COL5A1: variants seen among roughly 807,000 people sequenced by gnomAD.
COL5A1 encodes the protein collagen alpha-1(V) chain.
Under a neutral mutation model 263.7 loss-of-function variants are expected in COL5A1, and 16 were observed. The ratio of observed to expected loss-of-function variants is 0.06; its 90% CI spans 0.04 to 0.09. COL5A1 has a LOEUF of 0.09. COL5A1 is among the 10% of genes least tolerant of loss of function. The probability of loss-of-function intolerance (pLI) is 1.00; values close to 1 mark genes in which losing one functional copy is unlikely to be tolerated. For synonymous variants in COL5A1, 1,012 were observed against 1,004.5 expected (o/e 1.01, Z -0.14); for missense variants, 2,036 against 2,540.5 (o/e 0.80, Z 4.27).
At chr9:134,839,035 A>T (rs1245860879) in intron 65 of COL5A1, among the ~76,000 whole-genome samples, 2 of 152,232 alleles carry the variant, frequency 1.3e-5, no homozygotes, top group Non-Finnish European at 2.9e-5. Context: ...GGAGGCCCTG[A>T]TGCCCCGAAC....
At chr9:134,693,264 A>T (rs1833345750) in intron 2 of COL5A1, among the ~76,000 whole-genome samples, 1 of 152,140 alleles carries the variant, frequency 6.6e-6, no homozygotes. Flanking sequence ...ACAGTGAAGC[A>T]GTGAGCCGAG....
rs1212945027 is a variant in COL5A1, at chr9:134,696,204, C to T, written c.278-3705C>T. 1.3e-5 allele frequency among the ~76,000 whole-genome samples: 2 copies of T among 152,106 alleles called. No individual in the cohort carries two copies. The highest frequency in any genetic ancestry group is 2.4e-5 in the African/African-American group (1 of 41,398). ...TATTATTATTATTGAGACAGAGTCT[C>T]ACTCTGTCGCCCAGGCTGGAGTGCA... On this transcript the variant is annotated intron_variant, in intron 2 of 65. Coordinates refer to ENST00000371817, the MANE Select transcript of COL5A1 (RefSeq NM_000093.5). The surrounding 1 kb of genome is among the most constrained non-coding windows in gnomAD (Gnocchi z 4.3).
intron 9 of COL5A1, among the ~76,000 whole-genome samples, chr9:134,736,665 T>A (rs146940292): frequency 6.6e-6 from 1 of 152,192 alleles, no homozygotes; most frequent in Non-Finnish European, 1.5e-5. Flanking sequence ...ACCCACATCA[T>A]CTCAAAAGTT....
At chr9:134,806,089 G>A in intron 41 of COL5A1, 100 bp from the exon 42 acceptor site, 3 of 875,938 alleles carry the variant, frequency 3.4e-6, no homozygotes, top group Non-Finnish European at 5.6e-6. Context: ...GTGGGCTCTA[G>A]AGTGAGCAGG....
rs569033048 is a variant in COL5A1, at chr9:134,754,863, C to T, written c.1827+537C>T. On this transcript the variant is annotated intron_variant, in intron 16 of 65. Transcript: ENST00000371817. This position sits in a 1 kb window ranked among gnomAD's most constrained non-coding sequence, Gnocchi z 4.3. ...CACCACCCAGACAGGCTGGGGCAGG[C>T]CCTGGGAGCCCAGATTGTGCTCTCA... is the stretch of plus-strand genomic sequence containing the variant. 2.6e-4 allele frequency among the ~76,000 whole-genome samples: 39 copies of T among 152,260 alleles called. No individual in the cohort carries two copies. Among genetic ancestry groups the T allele is most frequent in the Non-Finnish European group, 5.3e-4 (36 of 68,034 alleles).
rs935181077 is a variant in COL5A1, at chr9:134,700,896, C to G, written c.492-275C>G. ...CCAGTGCCGAGTGCTGTGTGCTCCC[C>G]CTTCCCCCTTTCACTTGGGCTCCCG... On this transcript the variant is annotated intron_variant, in intron 3 of 65. Transcript: ENST00000371817. This position sits in a 1 kb window ranked among gnomAD's most constrained non-coding sequence, Gnocchi z 4.0. Among the ~76,000 whole-genome samples, 1 of 152,180 alleles carries G rather than the reference C, an allele frequency of 6.6e-6. No individual in the cohort carries two copies. The highest frequency in any genetic ancestry group is 1.5e-5 in the Non-Finnish European group (1 of 68,038).
intron 61 of COL5A1, among the ~76,000 whole-genome samples, chr9:134,824,377 C>T (rs1425766350): frequency 6.6e-6 from 1 of 152,216 alleles, no homozygotes; most frequent in African/African-American, 2.4e-5. Context: ...AGGAGAGGTG[C>T]TCCATGCTGG....
At position 134,696,483 on chromosome 9, in the gene COL5A1, T is replaced by C. The variant is rs993724180; in HGVS notation, c.278-3426T>C. Among the ~76,000 whole-genome samples, 1 of 152,098 alleles carries C rather than the reference T, an allele frequency of 6.6e-6. No individual in the cohort carries two copies. Among genetic ancestry groups the C allele is most frequent in the African/African-American group, 2.4e-5 (1 of 41,424 alleles). Reference sequence around the variant, plus strand: ...TGAACCACCTCGCCCAGCCTGCAATTATTTAACTAACTGGTTTGGTTTGAT... The same window carrying C: ...TGAACCACCTCGCCCAGCCTGCAATCATTTAACTAACTGGTTTGGTTTGAT... On this transcript the variant is annotated intron_variant, in intron 2 of 65. Transcript: ENST00000371817. This position sits in a 1 kb window ranked among gnomAD's most constrained non-coding sequence, Gnocchi z 4.3.
chr9:134,754,756 G>A lies in COL5A1; in HGVS notation c.1827+430G>A, dbSNP rs1289758093. Among the ~76,000 whole-genome samples the A allele has an allele frequency of 6.6e-6, 1 of 152,158 alleles. No individual in the cohort carries two copies. The highest frequency in any genetic ancestry group is 1.5e-5 in the Non-Finnish European group (1 of 68,034). ...TGCCTCCTGGAATTTTCTGTCTGGT[G>A]CATGGTTCTCCTGGATGGAACTGGT... is the stretch of plus-strand genomic sequence containing the variant. On this transcript the variant is annotated intron_variant, in intron 16 of 65. Coordinates refer to ENST00000371817, the MANE Select transcript of COL5A1 (RefSeq NM_000093.5). The surrounding 1 kb of genome is among the most constrained non-coding windows in gnomAD (Gnocchi z 4.3).
In COL5A1 at chr9:134,652,793, C is replaced by T. The variant is rs951528939; in HGVS notation, c.109+10497C>T. ...CCAGCGTTTCTCCTCATGGTGTAGA[C>T]CAGCAGTTCCCAAACTTTACCAGGC... On this transcript the variant is annotated intron_variant, in intron 1 of 65. Transcript: ENST00000371817. This position sits in a 1 kb window ranked among gnomAD's most constrained non-coding sequence, Gnocchi z 4.4. The T allele has an allele frequency of 4.3e-6, 2 of 463,330 alleles. No homozygotes were observed. The highest frequency in any genetic ancestry group is 9.0e-6 in the Non-Finnish European group (2 of 222,414). 28.7% of individuals were successfully genotyped at this position (463,330 alleles called of 1,614,324 possible). A position where few individuals can be genotyped will look rare whatever the true frequency, so the allele number is the denominator to read the frequency against.
chr9:134,817,977 G>C, intron 54 of COL5A1, 146 bp downstream of exon 54: 2 of 839,630 alleles, frequency 2.4e-6, no homozygotes, highest in Non-Finnish European at 4.0e-6. Flanking sequence ...GGCCTACCTG[G>C]GGAGGAGACC....
intron 18 of COL5A1, among the ~76,000 whole-genome samples, chr9:134,760,198 C>A (rs1253501269): frequency 1.4e-5 from 2 of 138,066 alleles, no homozygotes; most frequent in African/African-American, 2.7e-5. Flanking sequence ...CCCACACCCC[C>A]ACACTCATAC....
intron 1 of COL5A1, among the ~76,000 whole-genome samples, chr9:134,659,614 T>G (rs1182523917): frequency 2.0e-5 from 3 of 152,130 alleles, no homozygotes; most frequent in Non-Finnish European, 4.4e-5. Flanking sequence ...GAATGTGAAG[T>G]CCGGTGACCC....
intron 11 of COL5A1, among the ~76,000 whole-genome samples, chr9:134,749,534 C>A (rs1389535216): frequency 6.6e-6 from 1 of 152,238 alleles, no homozygotes; most frequent in Non-Finnish European, 1.5e-5. Context: ...TCCAGAAAAA[C>A]CACTCAGGTT....
intron 37 of COL5A1, among the ~76,000 whole-genome samples, chr9:134,801,354 G>A (rs1838106035): frequency 6.6e-6 from 1 of 152,268 alleles, no homozygotes; most frequent in African/African-American, 2.4e-5. Flanking sequence ...ACAGCCAGAG[G>A]TAGTCGCGGG....
chr9:134,804,459 A>G lies in COL5A1; in HGVS notation c.3115-516A>G, dbSNP rs1248075781. 2.6e-5 allele frequency among the ~76,000 whole-genome samples: 4 copies of G among 151,994 alleles called. No homozygotes were observed. The South Asian group carries it at 6.2e-4, about 24-fold the overall frequency. The stretch of plus-strand genomic sequence containing the variant: ...CGATGCTTTTAATGCTATTTCGACC[A>G]TGGATTTCTTTGTCTGAGCACGGTC... On this transcript the variant is annotated intron_variant, in intron 39 of 65. Transcript: ENST00000371817.
At chr9:134,767,880 G>C (rs1355587995) in intron 24 of COL5A1, among the ~76,000 whole-genome samples, 1 of 152,186 alleles carries the variant, frequency 6.6e-6, no homozygotes, top group Non-Finnish European at 1.5e-5. Flanking sequence ...CACCTCCAAG[G>C]GGCTGGTTCT....
At position 134,791,864 on chromosome 9, in the gene COL5A1, G is replaced by A. The variant is rs563213510; in HGVS notation, c.2700+2656G>A. Among the ~76,000 whole-genome samples, 3 of 152,322 alleles carry A rather than the reference G, an allele frequency of 2.0e-5. No homozygotes were observed. In the East Asian group the frequency reaches 5.8e-4, roughly 29 times the overall value. On this transcript the variant is annotated intron_variant, in intron 32 of 65. Coordinates refer to ENST00000371817, the MANE Select transcript of COL5A1 (RefSeq NM_000093.5). Reference sequence around the variant, plus strand: ...TCTGAGGACTCTGGTGGTCAAAGCAGACATCCCTCTGGCATCCAGAGTGGA... The same window carrying A: ...TCTGAGGACTCTGGTGGTCAAAGCAAACATCCCTCTGGCATCCAGAGTGGA...
rs1377648224 is a variant in COL5A1, at chr9:134,796,366, C to T, written c.2800-8C>T. 1 of 1,614,098 alleles carries T rather than the reference C, an allele frequency of 6.2e-7. No individual in the cohort carries two copies. The highest frequency in any genetic ancestry group is 1.7e-5 in the Admixed American group (1 of 60,032). ...ATAAGCTTTTCCCCCCTCTCCTTCC[C>T]TCTCAAGGGCAACTCCGGAGGTGAC... is the stretch of plus-strand genomic sequence containing the variant. On this transcript the variant is annotated splice_polypyrimidine_tract_variant and splice_region_variant and intron_variant, in intron 34 of 65. Coordinates refer to ENST00000371817, the MANE Select transcript of COL5A1 (RefSeq NM_000093.5).
Sources: allele counts gnomAD v4.1 joint callset (sites outside exome capture counted in the v4.1 genomes callset), GRCh38; gene constraint gnomAD v4.1.1; non-coding constraint Gnocchi (gnomAD v3.1); transcripts MANE v1.5; gene names NCBI Gene and HGNC (gene_info 2026-07-23, HGNC 2026-07-21).